Variants in DPF3 observed in about 807,000 individuals in gnomAD.
DPF3 encodes double PHD fingers 3.
In DPF3, 18 loss-of-function variants were observed where a neutral mutation model predicts 56.8. The ratio of observed to expected loss-of-function variants is 0.32; its 90% CI spans 0.22 to 0.47. The LOEUF (loss-of-function observed/expected upper bound fraction) is 0.47, where lower values mean the gene tolerates loss of function less well. DPF3 is among the 20% of genes least tolerant of loss of function. DPF3 has a pLI of 1.00. For missense variants in DPF3, 403 were observed against 488.8 expected (o/e 0.82, Z 1.65); for synonymous variants, 188 against 180.2 (o/e 1.04, Z -0.35).
At chr14:72,635,283 G>C (rs1885353494) in intron 8 of DPF3, among the ~76,000 whole-genome samples, 1 of 152,192 alleles carries the variant, frequency 6.6e-6, no homozygotes. Context: ...GAGGCTGGGA[G>C]TACCCGGTGT....
chr14:72,699,401 A>T (rs1888058060), intron 6 of DPF3, among the ~76,000 whole-genome samples: 1 of 151,458 alleles, frequency 6.6e-6, no homozygotes, highest in Non-Finnish European at 1.5e-5. Flanking sequence ...ATGCTCCTGT[A>T]GTCCCAGCTA....
At chr14:72,624,254 A>C (rs1884660535) in intron 9 of DPF3, among the ~76,000 whole-genome samples, 1 of 152,018 alleles carries the variant, frequency 6.6e-6, no homozygotes, top group African/African-American at 2.4e-5. Context: ...TACGAAAATC[A>C]GAAAATTACC....
At chr14:72,846,587 C>A (rs550867118) in intron 1 of DPF3, among the ~76,000 whole-genome samples, 1 of 152,176 alleles carries the variant, frequency 6.6e-6, no homozygotes, top group Non-Finnish European at 1.5e-5. Flanking sequence ...CTGCCCACCT[C>A]GGCCTCCCAA....
intron 1 of DPF3, among the ~76,000 whole-genome samples, chr14:72,885,496 C>T (rs1028467045): frequency 2.6e-5 from 4 of 151,966 alleles, no homozygotes; most frequent in Non-Finnish European, 4.4e-5. Flanking sequence ...CTCAACCTCC[C>T]GGGCTCAAGC....
chr14:72,659,782 T>C (rs1446561122), intron 8 of DPF3, among the ~76,000 whole-genome samples: 1 of 152,240 alleles, frequency 6.6e-6, no homozygotes, highest in Non-Finnish European at 1.5e-5. Flanking sequence ...GTGTAATAAA[T>C]ATGGGAAACT....
At chr14:72,620,866 C>A (rs11623878) in intron 9 of DPF3, among the ~76,000 whole-genome samples, 1 of 152,148 alleles carries the variant, frequency 6.6e-6, no homozygotes, top group Admixed American at 6.5e-5. Context: ...CTTGGCTGGG[C>A]GCTGTGGCGC....
chr14:72,618,165 C>T lies in DPF3; in HGVS notation c.*1132G>A, dbSNP rs150767808. 4.3e-3 allele frequency among the ~76,000 whole-genome samples: 650 copies of T among 152,274 alleles called. 7 individuals carry two copies. The highest frequency in any genetic ancestry group is 0.015 in the African/African-American group (632 of 41,544). On this transcript the variant is annotated 3_prime_UTR_variant, in exon 11 of 11. Coordinates refer to ENST00000556509, the MANE Select transcript of DPF3 (RefSeq NM_001280542.3). ...TGGCCACCCTGGTCGTGAATAATGA[C>T]CATGTCACCCTAATTATTTGTTTAG...
chr14:72,675,207 A>C (rs1325707204), intron 7 of DPF3, among the ~76,000 whole-genome samples: 4 of 152,250 alleles, frequency 2.6e-5, no homozygotes, highest in African/African-American at 9.6e-5. Flanking sequence ...GACTTTGAAA[A>C]CAAAGCCTGT....
chr14:72,712,129 G>A (rs1240791871), intron 6 of DPF3, among the ~76,000 whole-genome samples: 1 of 152,046 alleles, frequency 6.6e-6, no homozygotes, highest in Admixed American at 6.6e-5. Flanking sequence ...TGCGGACAGA[G>A]CCAAGAAAGC....
intron 6 of DPF3, among the ~76,000 whole-genome samples, chr14:72,700,372 C>A (rs987369332): frequency 6.6e-6 from 1 of 152,170 alleles, no homozygotes; most frequent in East Asian, 1.9e-4. Flanking sequence ...AGGGCCCCCG[C>A]ATTTTCATTT....
intron 5 of DPF3, among the ~76,000 whole-genome samples, chr14:72,716,542 A>T (rs1247515185): frequency 6.6e-6 from 1 of 151,970 alleles, no homozygotes; most frequent in Non-Finnish European, 1.5e-5. Context: ...CCATTTCATC[A>T]TGGCACTGAG....
At chr14:72,792,941 AAAC>A (rs1255521074) in intron 1 of DPF3, among the ~76,000 whole-genome samples, 6 of 152,264 alleles carry the variant, frequency 3.9e-5, no homozygotes, top group Middle Eastern at 3.4e-3. Context: ...TAAAAAAAAA[AAAC>A]ACTGCTGAAA....
At chr14:72,851,895 C>G (rs1487977332) in intron 1 of DPF3, among the ~76,000 whole-genome samples, 1 of 152,264 alleles carries the variant, frequency 6.6e-6, no homozygotes, top group Non-Finnish European at 1.5e-5. Context: ...CCGCCACCAG[C>G]TGGAACCATG....
intron 1 of DPF3, among the ~76,000 whole-genome samples, chr14:72,816,458 A>G (rs1883289346): frequency 6.6e-6 from 1 of 152,174 alleles, no homozygotes; most frequent in South Asian, 2.1e-4. Flanking sequence ...CTTATACAGC[A>G]AGTGGGTAGA....
At chr14:72,809,086 G>C (rs1882917276) in intron 1 of DPF3, among the ~76,000 whole-genome samples, 1 of 152,158 alleles carries the variant, frequency 6.6e-6, no homozygotes, top group Non-Finnish European at 1.5e-5. Flanking sequence ...AAACACCAGG[G>C]CCCCCTTGGG....
At chr14:72,685,167 A>G (rs893679276) in intron 7 of DPF3, among the ~76,000 whole-genome samples, 1 of 152,242 alleles carries the variant, frequency 6.6e-6, no homozygotes, top group Non-Finnish European at 1.5e-5. Flanking sequence ...GCCACAATGC[A>G]GCATGATGCA....
chr14:72,723,207 C>T (rs948567439), intron 5 of DPF3, among the ~76,000 whole-genome samples: 5 of 151,536 alleles, frequency 3.3e-5, no homozygotes, highest in Admixed American at 6.6e-5. Flanking sequence ...TCACAACAGG[C>T]CCCAGTGTGT....
At position 72,611,521 on chromosome 14, in the gene DPF3, C is replaced by G. The variant is rs551911391; in HGVS notation, c.*7776G>C. Among the ~76,000 whole-genome samples the G allele has an allele frequency of 2.4e-4, 36 of 152,192 alleles. No homozygotes were observed. Among genetic ancestry groups the G allele is most frequent in the African/African-American group, 7.5e-4 (31 of 41,452 alleles). On this transcript the variant is annotated 3_prime_UTR_variant, in exon 11 of 11. Coordinates refer to ENST00000556509, the MANE Select transcript of DPF3 (RefSeq NM_001280542.3). ...TCTGTACTTGAAGCCCCCACCCCCC[C>G]AGTCCCGCTCTCTGCTTTCTCTAGC...
intron 2 of DPF3, among the ~76,000 whole-genome samples, chr14:72,768,667 T>A (rs981286077): frequency 6.6e-6 from 1 of 152,144 alleles, no homozygotes; most frequent in Non-Finnish European, 1.5e-5. Context: ...AGAAATTATA[T>A]GAATCCCCTC....
Sources: gnomAD v4.1 joint callset for allele counts (sites outside exome capture counted in the v4.1 genomes callset) on GRCh38, gnomAD v4.1.1 for gene constraint, MANE v1.5 for transcripts, NCBI Gene and HGNC (gene_info 2026-07-23, HGNC 2026-07-21) for gene names.